Variants in PPFIA1 observed in about 807,000 individuals in gnomAD.
PPFIA1 encodes the protein liprin-alpha-1.
Under a neutral mutation model 149.9 loss-of-function variants are expected in PPFIA1, and 25 were observed. The ratio of observed to expected loss-of-function variants is 0.17; its 90% CI spans 0.12 to 0.23. The LOEUF (loss-of-function observed/expected upper bound fraction) is 0.23. PPFIA1 is among the 10% of genes least tolerant of loss of function. PPFIA1 has a pLI of 1.00. For missense variants in PPFIA1, 1,362 were observed against 1,506.5 expected (o/e 0.90, Z 1.59); for synonymous variants, 549 against 552.8 (o/e 0.99, Z 0.10).
At chr11:70,275,622 A>C (rs2050337367) in intron 2 of PPFIA1, among the ~76,000 whole-genome samples, 1 of 152,142 alleles carries the variant, frequency 6.6e-6, no homozygotes, top group African/African-American at 2.4e-5. Flanking sequence ...TCTTTTTTTA[A>C]ATGGATATCT....
intron 2 of PPFIA1, among the ~76,000 whole-genome samples, chr11:70,281,395 G>A (rs920306556): frequency 1.3e-5 from 2 of 152,110 alleles, no homozygotes; most frequent in Non-Finnish European, 2.9e-5. Context: ...CCATCCGGGG[G>A]TTCCATCTGA....
intron 19 of PPFIA1, among the ~76,000 whole-genome samples, chr11:70,359,740 A>T (rs1311839346): frequency 6.6e-6 from 1 of 152,244 alleles, no homozygotes; most frequent in Non-Finnish European, 1.5e-5. Flanking sequence ...TAAAATGCAC[A>T]ACATTATTCA....
chr11:70,300,994 A>T (rs940043984), intron 2 of PPFIA1, among the ~76,000 whole-genome samples: 3 of 152,182 alleles, frequency 2.0e-5, no homozygotes, highest in African/African-American at 7.2e-5. Flanking sequence ...CTGTGTAAAC[A>T]GGCCCTTCAT....
chr11:70,325,509 C>T lies in PPFIA1; in HGVS notation c.541C>T (p.Arg181Ter). 1 of 1,584,778 alleles carries T rather than the reference C, an allele frequency of 6.3e-7. No individual in the cohort carries two copies. The highest frequency in any genetic ancestry group is 1.4e-5 in the African/African-American group (1 of 74,060). The change falls in exon 5 of 28, where the codon CGA (arginine) becomes TGA (stop). Residue 181 changes from arginine to a stop codon, truncating the protein, a stop_gained. Coordinates refer to ENST00000253925, the MANE Select transcript of PPFIA1 (RefSeq NM_003626.5). LOFTEE classifies it high-confidence loss of function. ...CCCCTTTTATTTTCAGGTGAGAGAG[C>T]GATTACGAGTAGCACTTGAAAGATG... ...HKALDEKVRE[R>*]LRVALERCSL... is the part of the protein sequence containing the mutation.
At chr11:70,318,054 CA>C (rs940544265) in intron 2 of PPFIA1, among the ~76,000 whole-genome samples, 1 of 152,168 alleles carries the variant, frequency 6.6e-6, no homozygotes, top group Non-Finnish European at 1.5e-5. Context: ...TCTTCCACTT[CA>C]TTGCGCTTAC....
At position 70,354,359 on chromosome 11, in the gene PPFIA1, C is replaced by T. The variant is rs1231556989; in HGVS notation, c.2222C>T (p.Ser741Phe). The T allele has an allele frequency of 4.3e-6, 7 of 1,614,126 alleles. No homozygotes were observed. Among genetic ancestry groups the T allele is most frequent in the Non-Finnish European group, 5.1e-6 (6 of 1,180,030 alleles). The change falls in exon 17 of 28, where the codon TCC (serine) becomes TTC (phenylalanine). Residue 741 changes from serine (S) to phenylalanine (F), a missense_variant. By Grantham distance (155) the Ser-to-Phe change is radical (BLOSUM62 -2). Around this residue, in one of 7 missense-constraint regions of PPFIA1, gnomAD observed 733 missense variants for 744.1 expected, o/e 0.99. Transcript: ENST00000253925. Reference sequence around the variant, plus strand: ...AAGACAACCATAAAGTGTGAAACCTCCCCGCCTTCCTCCCCGAGAGCCCTT... The same window carrying T: ...AAGACAACCATAAAGTGTGAAACCTTCCCGCCTTCCTCCCCGAGAGCCCTT... ...DDKTTIKCET[S>F]PPSSPRALRL...
At chr11:70,344,375 C>T (rs1034204905) in intron 15 of PPFIA1, among the ~76,000 whole-genome samples, 5 of 152,326 alleles carry the variant, frequency 3.3e-5, no homozygotes, top group Middle Eastern at 3.4e-3. Flanking sequence ...GCAGTGGCTG[C>T]CTCCACAGGC....
chr11:70,332,096 T>C lies in PPFIA1; in HGVS notation c.1212+2T>C. On this transcript the variant is annotated splice_donor_variant, in intron 9 of 27. Transcript: ENST00000253925. LOFTEE classifies it high-confidence loss of function. ...CAGAGGGTGGCAGCGCTTTCCAAGG[T>C]AGTGCCATGAGCTTCATTCTGGTTC... 6.3e-7 allele frequency: 1 copy of C among 1,593,078 alleles called. No homozygotes were observed.
chr11:70,372,265 C>A lies in PPFIA1; in HGVS notation c.2916C>A (p.Leu972=), dbSNP rs1422576299. Residue 972 remains leucine (L), a synonymous_variant, in exon 22 of 28, where the codon CTC becomes CTA. Transcript: ENST00000253925. ...ACGAGTGGATCGGCAACGAGTGGCT[C>A]CCCAGCCTGGGCCTCCCCCAGTACC... ...MNHEWIGNEW[L]PSLGLPQYRS... is the part of the protein sequence containing the mutation. The A allele has an allele frequency of 6.2e-7, 1 of 1,614,184 alleles. No homozygotes were observed. Among genetic ancestry groups the A allele is most frequent in the Non-Finnish European group, 8.5e-7 (1 of 1,180,026 alleles).
intron 2 of PPFIA1, among the ~76,000 whole-genome samples, chr11:70,282,161 C>T (rs919925664): frequency 6.6e-6 from 1 of 152,194 alleles, no homozygotes; most frequent in East Asian, 1.9e-4. Flanking sequence ...CAGCGGGAGA[C>T]ACAGCCCTTG....
At chr11:70,296,512 T>G (rs1324028007) in intron 2 of PPFIA1, among the ~76,000 whole-genome samples, 1 of 151,886 alleles carries the variant, frequency 6.6e-6, no homozygotes, top group African/African-American at 2.4e-5. Context: ...AAACCCCGTC[T>G]CCACCAAAAA....
At chr11:70,365,755 G>C in intron 21 of PPFIA1, 1 of 363,606 alleles carries the variant, frequency 2.8e-6, no homozygotes. Flanking sequence ...GGCACGGAGA[G>C]AGTCTGCTCC....
intron 21 of PPFIA1, chr11:70,365,644 T>C (rs2056885901): frequency 2.8e-6 from 1 of 355,886 alleles, no homozygotes; most frequent in Non-Finnish European, 5.5e-6. Context: ...GTAGACTCTG[T>C]CTTTTAGAAT....
At chr11:70,321,750 C>G (rs1024060650) in intron 2 of PPFIA1, among the ~76,000 whole-genome samples, 2 of 152,104 alleles carry the variant, frequency 1.3e-5, no homozygotes, top group Non-Finnish European at 2.9e-5. Flanking sequence ...CAAAATTGAC[C>G]CAGATGACAG....
chr11:70,328,711 T>G (rs920944415), intron 7 of PPFIA1, among the ~76,000 whole-genome samples: 5 of 152,056 alleles, frequency 3.3e-5, no homozygotes, highest in Non-Finnish European at 7.4e-5. Flanking sequence ...AAACATTCCT[T>G]TTTCTCCACA....
intron 2 of PPFIA1, among the ~76,000 whole-genome samples, chr11:70,280,606 G>A (rs1023601072): frequency 3.3e-5 from 5 of 152,154 alleles, no homozygotes; most frequent in Non-Finnish European, 7.3e-5. Flanking sequence ...TGTTGTTGCC[G>A]AGGCTGCAGT....
chr11:70,282,957 A>G (rs774436618), intron 2 of PPFIA1, among the ~76,000 whole-genome samples: 6 of 149,512 alleles, frequency 4.0e-5, no homozygotes, highest in Non-Finnish European at 7.4e-5. Context: ...CTCTTGCCTC[A>G]GCCTCCTGAG....
intron 15 of PPFIA1, chr11:70,346,000 C>G (rs991173415): frequency 2.0e-5 from 9 of 453,730 alleles, no homozygotes; most frequent in Non-Finnish European, 3.5e-5. Context: ...AGTGAGTGCT[C>G]AGATTGCAGG....
chr11:70,293,994 C>T (rs1346126864), intron 2 of PPFIA1, among the ~76,000 whole-genome samples: 1 of 141,920 alleles, frequency 7.0e-6, no homozygotes, highest in Non-Finnish European at 1.5e-5. Flanking sequence ...GGCTGGAGTG[C>T]AGTGAGATCA....
Sources: gnomAD v4.1 joint callset for allele counts (sites outside exome capture counted in the v4.1 genomes callset) on GRCh38, gnomAD v4.1.1 for gene constraint, gnomAD v4.1.1 regional missense constraint, MANE v1.5 for transcripts, NCBI Gene and HGNC (gene_info 2026-07-23, HGNC 2026-07-21) for gene names.